The following DNM3 variants were observed in gnomAD, a reference collection of about 807,000 sequenced individuals.
The protein encoded by DNM3 is dynamin 3, also known as dynamin-3.
A neutral mutation model predicts 101.6 loss-of-function variants in DNM3; 47 were observed. That is an observed-to-expected ratio of 0.46 (90% CI 0.37 to 0.59). The LOEUF (loss-of-function observed/expected upper bound fraction) is 0.59. Among genes scored for constraint, DNM3 ranks in the 20% least tolerant of loss-of-function variants. DNM3 has a pLI of 0.00. For synonymous variants in DNM3, 385 were observed against 387.9 expected (o/e 0.99, Z 0.09); for missense variants, 849 against 1,085.7 (o/e 0.78, Z 3.06).
Position 172,038,310 on chromosome 1 carries a change from T to G in DNM3, c.850-9T>G. Reference sequence around the variant, plus strand: ...CTTCAATCTGTGTGTATCATTTTGTTTTGTTTAGCAACTTACCAACCACAT... The same window carrying G: ...CTTCAATCTGTGTGTATCATTTTGTGTTGTTTAGCAACTTACCAACCACAT... On this transcript the variant is annotated splice_polypyrimidine_tract_variant and intron_variant, in intron 6 of 20. Coordinates refer to ENST00000627582, the MANE Select transcript of DNM3 (RefSeq NM_015569.5). The G allele has an allele frequency of 6.2e-7, 1 of 1,613,106 alleles. No individual in the cohort carries two copies. Among genetic ancestry groups the G allele is most frequent in the Non-Finnish European group, 8.5e-7 (1 of 1,179,382 alleles).
intron 14 of DNM3, among the ~76,000 whole-genome samples, chr1:172,200,143 CTTG>C (rs1320069833): frequency 2.0e-5 from 3 of 152,086 alleles, no homozygotes; most frequent in Non-Finnish European, 4.4e-5. Context: ...TGAAAATTAT[CTTG>C]TTCCTCCTTC....
At chr1:172,131,313 T>G in intron 14 of DNM3, 25 bp downstream of exon 14, 1 of 1,595,732 alleles carries the variant, frequency 6.3e-7, no homozygotes, top group South Asian at 1.1e-5. Context: ...GTGATAAAGT[T>G]TTCTTGTTAA....
intron 4 of DNM3, among the ~76,000 whole-genome samples, chr1:172,008,831 T>C (rs1282218931): frequency 1.4e-5 from 2 of 138,504 alleles, no homozygotes; most frequent in Admixed American, 7.9e-5. Flanking sequence ...ATGTATTATA[T>C]AATATATATT....
chr1:171,873,684 CTG>C (rs1199392253), intron 1 of DNM3, among the ~76,000 whole-genome samples: 1 of 152,176 alleles, frequency 6.6e-6, no homozygotes, highest in Non-Finnish European at 1.5e-5. Context: ...AGATAAATGA[CTG>C]TAAAAATGCC....
intron 1 of DNM3, among the ~76,000 whole-genome samples, chr1:171,877,467 T>C (rs2035885433): frequency 6.6e-6 from 1 of 152,206 alleles, no homozygotes; most frequent in Admixed American, 6.5e-5. Context: ...CAAATCATTT[T>C]TGTTGAACTT....
rs3051604 is a variant in DNM3 at position 171,922,123 on chromosome 1, T to TTGTGTGTGTG, written c.235+325_235+334dup. On this transcript the variant is annotated intron_variant, in intron 2 of 20. Coordinates refer to ENST00000627582, the MANE Select transcript of DNM3 (RefSeq NM_015569.5). ...ACCACTAATACTCCTTTGGTATGCT[T>TTGTGTGTGTG]TGTGTGTGTGTGTGTGTGTGTGTGT... Among the ~76,000 whole-genome samples the TTGTGTGTGTG allele has an allele frequency of 3.8e-3, 514 of 135,810 alleles. 6 individuals are homozygous for TTGTGTGTGTG. Among genetic ancestry groups the TTGTGTGTGTG allele is most frequent in the African/African-American group, 0.013 (480 of 35,970 alleles). The allele number at this position is 135,810 out of a possible 152,430, so 89.1% of individuals were successfully genotyped here. A position where few individuals can be genotyped will look rare whatever the true frequency, so the allele number is the denominator to read the frequency against.
intron 15 of DNM3, among the ~76,000 whole-genome samples, chr1:172,279,825 G>T (rs1008032539): frequency 6.6e-6 from 1 of 152,156 alleles, no homozygotes; most frequent in African/African-American, 2.4e-5. Flanking sequence ...GACTTTGGCA[G>T]TAGCCTCCTC....
Position 172,081,850 on chromosome 1 carries a change from A to G in DNM3, c.1441A>G (p.Ile481Val), listed in dbSNP as rs2053173378. 1.1e-5 allele frequency: 17 copies of G among 1,612,924 alleles called. No individual in the cohort carries two copies. Among genetic ancestry groups the G allele is most frequent in the Non-Finnish European group, 1.4e-5 (17 of 1,179,388 alleles). ...TKDQVLLLID[I>V]QVSYINTNHE... ...CTTATAGGTATTGCTATTGATTGAC[A>G]TTCAAGTCTCTTACATCAACACCAA... Residue 481 changes from isoleucine to valine, a missense_variant, in exon 12 of 21, where the codon ATT (isoleucine) becomes GTT (valine). This residue lies in a region of DNM3 where 193 missense variants were observed against 238.4 expected (regional missense o/e 0.81). Coordinates refer to ENST00000627582, the MANE Select transcript of DNM3 (RefSeq NM_015569.5).
chr1:172,192,663 A>G (rs534002358), intron 14 of DNM3, among the ~76,000 whole-genome samples: 10 of 151,890 alleles, frequency 6.6e-5, no homozygotes, highest in East Asian at 1.9e-4. Flanking sequence ...TACTGAGAAC[A>G]ATGATTTCCA....
Position 172,155,682 on chromosome 1 carries a change from A to G in DNM3, c.1659+24394A>G, listed in dbSNP as rs546058050. On this transcript the variant is annotated intron_variant, in intron 14 of 20. Transcript: ENST00000627582. ...TTTTTCACTCACTCCATGAACATTT[A>G]TCAGACGCCTGTGATGTTAGACTCT... Among the ~76,000 whole-genome samples the G allele has an allele frequency of 7.9e-5, 12 of 152,244 alleles. No homozygotes were observed. The South Asian group carries it at 2.1e-3, about 26-fold the overall frequency.
At chr1:172,190,877 C>G (rs1051003975) in intron 14 of DNM3, among the ~76,000 whole-genome samples, 1 of 151,576 alleles carries the variant, frequency 6.6e-6, no homozygotes, top group East Asian at 1.9e-4. Context: ...GATTTTTTCT[C>G]GTAAATTTGT....
At chr1:171,932,989 C>G (rs2041145742) in intron 2 of DNM3, among the ~76,000 whole-genome samples, 2 of 152,140 alleles carry the variant, frequency 1.3e-5, no homozygotes, top group African/African-American at 4.8e-5. Flanking sequence ...CTTGACCATT[C>G]CTTCTTTTTT....
At chr1:172,379,795 A>AT (rs976862261) in intron 18 of DNM3, among the ~76,000 whole-genome samples, 6 of 149,524 alleles carry the variant, frequency 4.0e-5, no homozygotes, top group African/African-American at 1.5e-4. Context: ...TTTCAAGGTT[A>AT]TTTATAGTAG....
intron 17 of DNM3, among the ~76,000 whole-genome samples, chr1:172,358,535 T>A (rs2067565913): frequency 6.6e-6 from 1 of 152,072 alleles, no homozygotes; most frequent in Non-Finnish European, 1.5e-5. Flanking sequence ...GTAAAATAGC[T>A]CTATTTTTAT....
At chr1:172,226,982 G>A (rs1374355197) in intron 14 of DNM3, among the ~76,000 whole-genome samples, 1 of 151,610 alleles carries the variant, frequency 6.6e-6, no homozygotes, top group Non-Finnish European at 1.5e-5. Flanking sequence ...GTGTGAAGTT[G>A]GGGATTTTAA....
chr1:172,337,626 T>A (rs77213795), intron 17 of DNM3, among the ~76,000 whole-genome samples: 4,804 of 152,222 alleles, frequency 0.032, 100 homozygotes, highest in Middle Eastern at 0.095. Flanking sequence ...AAATCACACC[T>A]GTCACCATCT....
chr1:172,049,911 G>A (rs1385871220), intron 10 of DNM3, among the ~76,000 whole-genome samples: 1 of 152,132 alleles, frequency 6.6e-6, no homozygotes, highest in Non-Finnish European at 1.5e-5. Context: ...ATTCCTAGAT[G>A]TGAAGGCTAA....
intron 14 of DNM3, chr1:172,144,532 C>A: frequency 2.0e-6 from 1 of 488,538 alleles, no homozygotes; most frequent in East Asian, 6.2e-5. Context: ...CGGTCCATGG[C>A]GTTGCTCTCC....
intron 1 of DNM3, among the ~76,000 whole-genome samples, chr1:171,915,731 G>C (rs2039659873): frequency 6.6e-6 from 1 of 152,144 alleles, no homozygotes; most frequent in Non-Finnish European, 1.5e-5. Context: ...TGATTGTAAT[G>C]AGTTGTAGAG....
Sources: allele counts gnomAD v4.1 joint callset (sites outside exome capture counted in the v4.1 genomes callset), GRCh38; gene constraint gnomAD v4.1.1; regional missense constraint gnomAD v4.1.1; transcripts MANE v1.5; gene names NCBI Gene and HGNC (gene_info 2026-07-23, HGNC 2026-07-21).